OTOGL: variants seen among roughly 807,000 people sequenced by gnomAD.
OTOGL encodes the protein otogelin-like protein.
OTOGL carries 285 observed loss-of-function variants against 318.5 expected under a neutral mutation model. That is an observed-to-expected ratio of 0.89 (90% confidence interval 0.81 to 0.99). The LOEUF (loss-of-function observed/expected upper bound fraction) is 0.99. OTOGL is among the 50% of genes least tolerant of loss of function. The pLI, the probability that OTOGL is intolerant of heterozygous loss-of-function variation, is 0.00. For missense variants in OTOGL, 2,899 were observed against 2,845.6 expected (o/e 1.02, Z -0.43); for synonymous variants, 987 against 936.5 (o/e 1.05, Z -0.99).
At position 80,266,554 on chromosome 12, in the gene OTOGL, T is replaced by C. The variant is rs1261470864; in HGVS notation, c.2328T>C (p.Ala776=). The part of the protein sequence containing the change: ...SSPEQCSDDC[A]EGCNCPEGKF... ...CGGAGCAGTGCAGTGATGACTGTGC[T>C]GAAGGCTGTAATTGTCCGGAAGGCA... Residue 776 remains alanine, a synonymous_variant, in exon 21 of 59, where the codon GCT becomes GCC. Coordinates refer to ENST00000547103, the MANE Select transcript of OTOGL (RefSeq NM_001378609.3). 4 of 1,613,636 alleles carry C rather than the reference T, an allele frequency of 2.5e-6. No homozygotes were observed. Among genetic ancestry groups the C allele is most frequent in the Non-Finnish European group, 3.4e-6 (4 of 1,179,764 alleles).
chr12:80,333,524 T>C (rs1888209222), intron 38 of OTOGL, among the ~76,000 whole-genome samples: 1 of 152,072 alleles, frequency 6.6e-6, no homozygotes, highest in Non-Finnish European at 1.5e-5. Flanking sequence ...CCATTTGCTC[T>C]GATAAACTAT....
Position 80,265,094 on chromosome 12 carries a change from G to T in OTOGL, c.2108G>T (p.Arg703Leu), listed in dbSNP as rs761566244. The T allele has an allele frequency of 4.2e-5, 67 of 1,613,686 alleles. No individual in the cohort carries two copies. The highest frequency in any genetic ancestry group is 2.1e-4 in the South Asian group (19 of 91,084). The stretch of plus-strand genomic sequence containing the variant: ...CCTGGGCTGTACTATCAGCTATGCC[G>T]CCACGATGCATGCAAGTGTGGAAGC... ...ISPGLYYQLC[R>L]HDACKCGSSC... The change falls in exon 20 of 59, where the codon CGC becomes CTC. Residue 703 changes from arginine (R) to leucine (L), a missense_variant. Around this residue, in one of 3 missense-constraint regions of OTOGL, gnomAD observed 2,607 missense variants for 2,524.9 expected, o/e 1.03. Coordinates refer to ENST00000547103, the MANE Select transcript of OTOGL (RefSeq NM_001378609.3).
intron 21 of OTOGL, among the ~76,000 whole-genome samples, chr12:80,266,856 G>C (rs1051192246): frequency 6.6e-6 from 1 of 152,176 alleles, no homozygotes; most frequent in African/African-American, 2.4e-5. Context: ...CAAGGTTTGT[G>C]CTTCACTGTC....
Position 80,378,347 on chromosome 12 carries a change from A to G in OTOGL, c.*299A>G, listed in dbSNP as rs1891290505. The stretch of plus-strand genomic sequence containing the variant: ...GTATATTCTCATCAACTGGAAGGTT[A>G]TTTTGCAAAATTCCTTCAATTTCAC... On this transcript the variant is annotated 3_prime_UTR_variant, in exon 59 of 59. Transcript: ENST00000547103. The G allele has an allele frequency of 4.6e-6, 1 of 217,422 alleles. No homozygotes were observed. The highest frequency in any genetic ancestry group is 2.3e-5 in the African/African-American group (1 of 43,678). 13.5% of individuals were successfully genotyped at this position (217,422 alleles called of 1,614,324 possible). A position where few individuals can be genotyped will look rare whatever the true frequency, so the allele number is the denominator to read the frequency against.
chr12:80,287,946 C>G (rs139721094), intron 26 of OTOGL, among the ~76,000 whole-genome samples: 1 of 152,088 alleles, frequency 6.6e-6, no homozygotes, highest in African/African-American at 2.4e-5. Flanking sequence ...CATCATGATG[C>G]TAGCTGGTTA....
At chr12:80,340,470 CTT>C (rs1888693429) in intron 43 of OTOGL, among the ~76,000 whole-genome samples, 2 of 152,056 alleles carry the variant, frequency 1.3e-5, no homozygotes, top group South Asian at 2.1e-4. Flanking sequence ...TCTCCTATAA[CTT>C]ATCACTTTTG....
At position 80,378,069 on chromosome 12, in the gene OTOGL, C is replaced by T. The variant is rs1289219171; in HGVS notation, c.*21C>T. On this transcript the variant is annotated 3_prime_UTR_variant, in exon 59 of 59. Coordinates refer to ENST00000547103, the MANE Select transcript of OTOGL (RefSeq NM_001378609.3). Reference sequence around the variant, plus strand: ...ATTAAACCCTTGGGTTCCAAGAGCTCTATACAACATCATAACGTCAGATAG... The same window carrying T: ...ATTAAACCCTTGGGTTCCAAGAGCTTTATACAACATCATAACGTCAGATAG... 6 of 1,497,594 alleles carry T rather than the reference C, an allele frequency of 4.0e-6. No individual in the cohort carries two copies. In the African/African-American group the frequency reaches 8.3e-5, roughly 21 times the overall value. 92.8% of individuals were successfully genotyped at this position (1,497,594 alleles called of 1,614,324 possible). A position where few individuals can be genotyped will look rare whatever the true frequency, so the allele number is the denominator to read the frequency against.
At chr12:80,306,181 C>T (rs2137754900) in intron 29 of OTOGL, among the ~76,000 whole-genome samples, 1 of 152,282 alleles carries the variant, frequency 6.6e-6, no homozygotes, top group Non-Finnish European at 1.5e-5. Flanking sequence ...GGTCAACTAC[C>T]TTTGGCAGCA....
At chr12:80,274,558 A>T (rs1053915773) in intron 24 of OTOGL, among the ~76,000 whole-genome samples, 1 of 152,086 alleles carries the variant, frequency 6.6e-6, no homozygotes, top group African/African-American at 2.4e-5. Context: ...AGCTGCAGCA[A>T]GTTATCCAGA....
At chr12:80,326,050 T>G (rs1005917295) in intron 35 of OTOGL, among the ~76,000 whole-genome samples, 33 of 152,128 alleles carry the variant, frequency 2.2e-4, no homozygotes, top group Non-Finnish European at 2.9e-5. Flanking sequence ...CTACCTCCAT[T>G]TCTTTCTCCT....
intron 16 of OTOGL, among the ~76,000 whole-genome samples, chr12:80,255,683 T>A (rs2137519067): frequency 6.6e-6 from 1 of 152,092 alleles, no homozygotes; most frequent in African/African-American, 2.4e-5. Context: ...TTTATTTAGA[T>A]CTTTTCTTGA....
intron 29 of OTOGL, among the ~76,000 whole-genome samples, chr12:80,308,072 C>G (rs1244767377): frequency 1.4e-5 from 2 of 138,816 alleles, no homozygotes; most frequent in Non-Finnish European, 3.1e-5. Context: ...CCCTCCCGGA[C>G]GGGGCGGCTG....
chr12:80,134,011 C>T (rs1302691100), intron 1 of OTOGL, among the ~76,000 whole-genome samples: 3 of 152,002 alleles, frequency 2.0e-5, no homozygotes, highest in African/African-American at 7.2e-5. Flanking sequence ...AAAGTAGAGT[C>T]ACTGAATTTC....
At chr12:80,200,041 T>C (rs1876351218) in intron 1 of OTOGL, among the ~76,000 whole-genome samples, 3 of 152,204 alleles carry the variant, frequency 2.0e-5, no homozygotes, top group Non-Finnish European at 4.4e-5. Context: ...GAGATGACCA[T>C]TGGCATCATC....
intron 1 of OTOGL, among the ~76,000 whole-genome samples, chr12:80,122,001 A>G (rs1355597272): frequency 6.6e-6 from 1 of 152,166 alleles, no homozygotes; most frequent in Non-Finnish European, 1.5e-5. Flanking sequence ...TGAGTGCAAA[A>G]TCATCATATG....
At position 80,256,968 on chromosome 12, in the gene OTOGL, G is replaced by A. The variant is rs894838545; in HGVS notation, c.1711+508G>A. 2.6e-5 allele frequency among the ~76,000 whole-genome samples: 4 copies of A among 152,032 alleles called. No homozygotes were observed. In the South Asian group the frequency reaches 8.3e-4, roughly 31 times the overall value. Reference sequence around the variant, plus strand: ...ATTTAGGGGGAACCAGAACTAAATTGGTTTTGCTACAGCAGAGAGAGGGTA... The same window carrying A: ...ATTTAGGGGGAACCAGAACTAAATTAGTTTTGCTACAGCAGAGAGAGGGTA... On this transcript the variant is annotated intron_variant, in intron 17 of 58. Transcript: ENST00000547103.
chr12:80,181,218 A>C (rs1482536372), intron 1 of OTOGL, among the ~76,000 whole-genome samples: 1 of 151,924 alleles, frequency 6.6e-6, no homozygotes, highest in Non-Finnish European at 1.5e-5. Context: ...TTATTGTATA[A>C]ATTATTTTAG....
intron 1 of OTOGL, among the ~76,000 whole-genome samples, chr12:80,115,939 T>C (rs1002559849): frequency 1.3e-5 from 2 of 152,220 alleles, no homozygotes; most frequent in African/African-American, 4.8e-5. Flanking sequence ...TTCAGACTGC[T>C]GTGCTGGCAG....
At chr12:80,127,047 G>A (rs921934037) in intron 1 of OTOGL, among the ~76,000 whole-genome samples, 3 of 152,120 alleles carry the variant, frequency 2.0e-5, no homozygotes, top group African/African-American at 4.8e-5. Flanking sequence ...TTACATTTAA[G>A]GTTGATATTG....
Sources: gnomAD v4.1 joint callset for allele counts (sites outside exome capture counted in the v4.1 genomes callset) on GRCh38, gnomAD v4.1.1 for gene constraint, gnomAD v4.1.1 regional missense constraint, MANE v1.5 for transcripts, NCBI Gene and HGNC (gene_info 2026-07-23, HGNC 2026-07-21) for gene names.